Variants in TMEM232 observed in about 807,000 individuals in gnomAD.
TMEM232 encodes the protein transmembrane protein 232.
TMEM232 carries 80 observed loss-of-function variants against 78.8 expected under a neutral mutation model. The ratio of observed to expected loss-of-function variants is 1.01; its 90% CI spans 0.85 to 1.22. The LOEUF (loss-of-function observed/expected upper bound fraction) is 1.22. Among genes scored for constraint, TMEM232 ranks in the 50% most tolerant of loss-of-function variants. TMEM232 has a pLI of 0.00. For missense variants in TMEM232, 881 were observed against 742.2 expected (o/e 1.19, Z -2.17); for synonymous variants, 297 against 254.3 (o/e 1.17, Z -1.60).
At chr5:110,684,885 C>G (rs536026320) in intron 1 of TMEM232, 2 of 151,918 alleles carry the variant, frequency 1.3e-5, no homozygotes, top group Non-Finnish European at 2.9e-5. Flanking sequence ...TTTTTCTGTA[C>G]AGTCAATGCA....
intron 12 of TMEM232, among the ~76,000 whole-genome samples, chr5:110,508,949 CAT>C (rs1229616934): frequency 1.4e-3 from 190 of 131,744 alleles, no homozygotes; most frequent in Non-Finnish European, 1.9e-3. Context: ...TACACACACA[CAT>C]ATATGTGTAT....
At chr5:110,524,974 T>C (rs1398974843) in intron 12 of TMEM232, among the ~76,000 whole-genome samples, 1 of 152,088 alleles carries the variant, frequency 6.6e-6, no homozygotes, top group Non-Finnish European at 1.5e-5. Flanking sequence ...TCTCCTTTGG[T>C]TAGCATTTGC....
intron 12 of TMEM232, among the ~76,000 whole-genome samples, chr5:110,506,272 TTTTTGTTTG>T (rs1180230616): frequency 6.6e-6 from 1 of 152,216 alleles, no homozygotes; most frequent in African/African-American, 2.4e-5. Context: ...TAGGGGGTTG[TTTTTGTTTG>T]TTTTGTTTGT....
intron 11 of TMEM232, among the ~76,000 whole-genome samples, chr5:110,558,439 A>T (rs560096377): frequency 2.9e-4 from 44 of 152,288 alleles, no homozygotes; most frequent in African/African-American, 9.9e-4. Context: ...CTGGAAGCCC[A>T]TCTGCAGAAC....
At chr5:110,507,710 TTCTG>T (rs1327442727) in intron 12 of TMEM232, among the ~76,000 whole-genome samples, 1 of 152,214 alleles carries the variant, frequency 6.6e-6, no homozygotes, top group African/African-American at 2.4e-5. Context: ...TTGTTCTTCT[TTCTG>T]TATTTAATTT....
intron 5 of TMEM232, among the ~76,000 whole-genome samples, chr5:110,632,000 G>A (rs1402944678): frequency 1.3e-5 from 2 of 151,734 alleles, no homozygotes; most frequent in Non-Finnish European, 2.9e-5. Context: ...TACAAGAACA[G>A]GCATACTCAT....
chr5:110,595,369 T>C (rs1288251450), intron 10 of TMEM232, among the ~76,000 whole-genome samples: 1 of 152,116 alleles, frequency 6.6e-6, no homozygotes, highest in African/African-American at 2.4e-5. Flanking sequence ...CCTTTTCTCC[T>C]CCAAATGATC....
At chr5:110,432,061 G>A (rs1393712443) in intron 12 of TMEM232, among the ~76,000 whole-genome samples, 1 of 151,632 alleles carries the variant, frequency 6.6e-6, no homozygotes, top group Non-Finnish European at 1.5e-5. Flanking sequence ...CAACCACATA[G>A]AATAGTTTGG....
chr5:110,639,582 G>T (rs146056464), intron 4 of TMEM232, among the ~76,000 whole-genome samples: 1 of 152,130 alleles, frequency 6.6e-6, no homozygotes, highest in African/African-American at 2.4e-5. Flanking sequence ...ACAGGAACAA[G>T]GAAGAGTATA....
At chr5:110,727,115 T>C (rs1798230109), upstream of TMEM232, among the ~76,000 whole-genome samples, 1 of 152,222 alleles carries the variant, frequency 6.6e-6, no homozygotes, top group South Asian at 2.1e-4. Flanking sequence ...AATGTTCTGC[T>C]ATGTACTAAA....
chr5:110,407,077 G>A (rs946058830), intron 2 of TMEM232, among the ~76,000 whole-genome samples: 7 of 151,962 alleles, frequency 4.6e-5, no homozygotes, highest in Non-Finnish European at 1.0e-4. Flanking sequence ...GGGAAGAAGA[G>A]GAAAGTCTCA....
chr5:110,515,749 C>A (rs1034956421), intron 12 of TMEM232, among the ~76,000 whole-genome samples: 1 of 152,190 alleles, frequency 6.6e-6, no homozygotes, highest in Non-Finnish European at 1.5e-5. Context: ...GTTAGCTACT[C>A]CTGCTTCTAC....
intron 2 of TMEM232, among the ~76,000 whole-genome samples, chr5:110,651,737 G>T (rs1438450980): frequency 6.6e-6 from 1 of 152,050 alleles, no homozygotes; most frequent in Non-Finnish European, 1.5e-5. Flanking sequence ...CAAAATGACA[G>T]GAATTAGAGC....
At chr5:110,598,178 C>A (rs188384559) in intron 10 of TMEM232, among the ~76,000 whole-genome samples, 19 of 152,222 alleles carry the variant, frequency 1.2e-4, no homozygotes, top group Non-Finnish European at 2.6e-4. Context: ...AAACAAACAA[C>A]CCCATCAAAA....
At chr5:110,606,893 A>T (rs746085758) in intron 8 of TMEM232, among the ~76,000 whole-genome samples, 26 of 152,062 alleles carry the variant, frequency 1.7e-4, no homozygotes, top group Non-Finnish European at 2.9e-4. Context: ...AAAATTACAT[A>T]TTTGTGATAC....
intron 12 of TMEM232, among the ~76,000 whole-genome samples, chr5:110,485,264 T>A (rs1016134615): frequency 6.6e-6 from 1 of 152,134 alleles, no homozygotes; most frequent in African/African-American, 2.4e-5. Context: ...TAACAATGTA[T>A]ACAGAATATT....
chr5:110,495,713 G>C (rs1005520154), intron 12 of TMEM232, among the ~76,000 whole-genome samples: 1 of 151,522 alleles, frequency 6.6e-6, no homozygotes, highest in African/African-American at 2.4e-5. Flanking sequence ...AATAAACACA[G>C]ACATTGCTGA....
At chr5:110,412,441 C>G (rs1018453531) in intron 2 of TMEM232, among the ~76,000 whole-genome samples, 7 of 152,114 alleles carry the variant, frequency 4.6e-5, no homozygotes, top group African/African-American at 1.7e-4. Flanking sequence ...CATCATGCCT[C>G]TATTTCAATT....
At chr5:110,667,053 A>G (rs1264965654) in intron 2 of TMEM232, among the ~76,000 whole-genome samples, 175 bp downstream of exon 2, 3 of 152,130 alleles carry the variant, frequency 2.0e-5, no homozygotes, top group Admixed American at 6.6e-5. Context: ...AAACGTGTAG[A>G]ATTCAAAATT....
Sources: allele counts gnomAD v4.1 joint callset (sites outside exome capture counted in the v4.1 genomes callset), GRCh38; gene constraint gnomAD v4.1.1; transcripts MANE v1.5; gene names NCBI Gene and HGNC (gene_info 2026-07-23, HGNC 2026-07-21).